Variants in RGS14 observed in about 807,000 individuals in gnomAD.
RGS14 encodes regulator of G-protein signaling 14.
A neutral mutation model predicts 63.8 loss-of-function variants in RGS14; 33 were observed. That is an observed-to-expected ratio of 0.52 (90% CI 0.39 to 0.69). The LOEUF is 0.69. Among genes scored for constraint, RGS14 ranks in the 30% least tolerant of loss-of-function variants. RGS14 has a pLI of 0.00. For synonymous variants in RGS14, 296 were observed against 320.9 expected (o/e 0.92, Z 0.83); for missense variants, 739 against 742.9 (o/e 0.99, Z 0.06).
intron 8 of RGS14, 35 bp downstream of exon 8, chr5:177,368,301 T>C: frequency 6.3e-7 from 1 of 1,580,182 alleles, no homozygotes; most frequent in Non-Finnish European, 8.6e-7. Flanking sequence ...AGATGCTCTA[T>C]GGGCTAGAGT....
intron 1 of RGS14, among the ~76,000 whole-genome samples, chr5:177,360,638 GC>G (rs1195062837): frequency 6.7e-6 from 1 of 150,016 alleles, no homozygotes; most frequent in Non-Finnish European, 1.5e-5. Flanking sequence ...GAGGAGGCAG[GC>G]ACAGTTGCTC....
At chr5:177,370,485 G>T (rs1762211791) in intron 9 of RGS14, 106 bp from the exon 10 acceptor site, 3 of 967,082 alleles carry the variant, frequency 3.1e-6, no homozygotes, top group Middle Eastern at 2.1e-4. Context: ...CTTCCTCTAG[G>T]AAGCCCAGTG....
chr5:177,366,192 CG>C lies in RGS14; in HGVS notation c.87del (p.Gln31ArgfsTer55). On this transcript the variant is annotated frameshift_variant, in exon 3 of 15. Coordinates refer to ENST00000408923, the MANE Select transcript of RGS14 (RefSeq NM_006480.5). LOFTEE classifies it high-confidence loss of function. ...CCCCCTGCAGAGCTGAGCAGCACGACGGGGCCCCAGGGCCAGGGCGAGGGCC... is the reference window on the plus strand; with the variant it reads ...CCCCCTGCAGAGCTGAGCAGCACGACGGGCCCCAGGGCCAGGGCGAGGGCC... ...AVSDGELSST[T>X]GPQGQGEGRG... 4 of 1,607,972 alleles carry C rather than the reference CG, an allele frequency of 2.5e-6. No individual in the cohort carries two copies. Among genetic ancestry groups the C allele is most frequent in the Non-Finnish European group, 3.4e-6 (4 of 1,177,888 alleles).
chr5:177,367,393 T>C (rs1417569488), intron 5 of RGS14, 21 bp from the exon 6 acceptor site: 3 of 1,580,948 alleles, frequency 1.9e-6, no homozygotes, highest in Admixed American at 1.8e-5. Flanking sequence ...CCGGCTCACC[T>C]GTTCCGGGGT....
In RGS14 at chr5:177,369,547, G is replaced by A. The variant is rs548729907; in HGVS notation, c.1053+627G>A. ...GCTGAAAGTAAGCCAAGCAGGGAGT[G>A]ATCAGGGAGGAGGAAGAGTGAAAAC... On this transcript the variant is annotated intron_variant, in intron 9 of 14. Transcript: ENST00000408923. Among the ~76,000 whole-genome samples, 29 of 152,324 alleles carry A rather than the reference G, an allele frequency of 1.9e-4. 1 individual carries two copies. In the South Asian group the frequency reaches 5.2e-3, roughly 27 times the overall value.
chr5:177,358,092 G>T lies in RGS14; in HGVS notation c.45+23G>T. 7.5e-7 allele frequency: 1 copy of T among 1,339,966 alleles called. No individual in the cohort carries two copies. The allele number at this position is 1,339,966 out of a possible 1,614,324, so 83.0% of individuals were successfully genotyped here. A position where few individuals can be genotyped will look rare whatever the true frequency, so the allele number is the denominator to read the frequency against. The stretch of plus-strand genomic sequence containing the variant: ...ATGGTGAGTGTGGGCTCCGGGCCAG[G>T]GCCACGAGGAGGGGGTGGGCACACC... On this transcript the variant is annotated intron_variant, in intron 1 of 14. Coordinates refer to ENST00000408923, the MANE Select transcript of RGS14 (RefSeq NM_006480.5). The surrounding 1 kb of genome is among the most constrained non-coding windows in gnomAD (Gnocchi z 4.8).
chr5:177,359,832 G>A lies in RGS14; in HGVS notation c.45+1763G>A, dbSNP rs185484775. On this transcript the variant is annotated intron_variant, in intron 1 of 14. Transcript: ENST00000408923. The surrounding 1 kb of genome is among the most constrained non-coding windows in gnomAD (Gnocchi z 4.4). ...GAGGTGCGGATGTGGATGGAGGGGC[G>A]CCTGGGGGACAGGTATGTCTGGTCC... Among the ~76,000 whole-genome samples, 4 of 152,360 alleles carry A rather than the reference G, an allele frequency of 2.6e-5. No homozygotes were observed. Among genetic ancestry groups the A allele is most frequent in the Middle Eastern group, 3.4e-3 (1 of 294 alleles).
chr5:177,367,168 G>A (rs1762119144), intron 5 of RGS14, 134 bp downstream of exon 5: 1 of 1,268,602 alleles, frequency 7.9e-7, no homozygotes, highest in Admixed American at 2.5e-5. Context: ...AAATGCCGGG[G>A]CAGGCAGGGC....
At chr5:177,370,342 G>A (rs4074995) in intron 9 of RGS14, among the ~76,000 whole-genome samples, 34,493 of 152,082 alleles carry the variant, frequency 0.23, 4,444 homozygotes, top group Middle Eastern at 0.31. Flanking sequence ...TACGTTTCTC[G>A]TAATTTCTGT....
intron 1 of RGS14, among the ~76,000 whole-genome samples, chr5:177,363,296 A>G (rs1762013436): frequency 6.7e-6 from 1 of 148,906 alleles, no homozygotes; most frequent in Non-Finnish European, 1.5e-5. Flanking sequence ...GGGGAGCACG[A>G]GAGCAGGGCC....
chr5:177,372,477 C>A lies in RGS14; in HGVS notation c.*402C>A. On this transcript the variant is annotated 3_prime_UTR_variant, in exon 15 of 15. Transcript: ENST00000408923. ...GTAAGGCCTTGAGGGTGCAGGCAGG[C>A]AGCCCTGTACCCCACCCACATAGAC... 4.9e-6 allele frequency: 1 copy of A among 205,044 alleles called. No homozygotes were observed. The highest frequency in any genetic ancestry group is 9.9e-6 in the Non-Finnish European group (1 of 101,472). 12.7% of individuals were successfully genotyped at this position (205,044 alleles called of 1,614,324 possible). A position where few individuals can be genotyped will look rare whatever the true frequency, so the allele number is the denominator to read the frequency against.
intron 1 of RGS14, among the ~76,000 whole-genome samples, chr5:177,362,501 G>A (rs1272821788): frequency 6.6e-6 from 1 of 152,228 alleles, no homozygotes; most frequent in Non-Finnish European, 1.5e-5. Flanking sequence ...CACGTGGTGG[G>A]AAGGGGCATT....
Position 177,371,069 on chromosome 5 carries a change from C to CGGGGCGGGGCGGGGCCGGGGCCG in RGS14, c.1254+41_1254+42insGCGGGGCGGGGCCGGGGCCGGGG, listed in dbSNP as rs566940283. On this transcript the variant is annotated intron_variant, in intron 11 of 14. Coordinates refer to ENST00000408923, the MANE Select transcript of RGS14 (RefSeq NM_006480.5). The surrounding 1 kb of genome is among the most constrained non-coding windows in gnomAD (Gnocchi z 6.1). ...GCCGCGGGGCGGGGCGGGGCGGGGCCGGGCCGGGGCCGGGGCCGGGGCCGG... is the reference window on the plus strand; with the variant it reads ...GCCGCGGGGCGGGGCGGGGCGGGGCCGGGGCGGGGCGGGGCCGGGGCCGGGGCCGGGGCCGGGGCCGGGGCCGG... The CGGGGCGGGGCGGGGCCGGGGCCG allele has an allele frequency of 7.4e-5, 41 of 552,532 alleles. 3 individuals are homozygous for CGGGGCGGGGCGGGGCCGGGGCCG. The African/African-American group carries it at 1.3e-3, about 18-fold the overall frequency. 34.2% of individuals were successfully genotyped at this position (552,532 alleles called of 1,614,324 possible).
rs1180411603 is a variant in RGS14 at position 177,366,184 on chromosome 5, CAGCACGACG to C, written c.76_84del (p.Ser26_Thr28del). On this transcript the variant is annotated inframe_deletion, in exon 3 of 15. Coordinates refer to ENST00000408923, the MANE Select transcript of RGS14 (RefSeq NM_006480.5). The stretch of plus-strand genomic sequence containing the variant: ...TTGTCCATCCCCCTGCAGAGCTGAG[CAGCACGACG>C]GGGCCCCAGGGCCAGGGCGAGGGCC... 2 of 1,606,354 alleles carry C rather than the reference CAGCACGACG, an allele frequency of 1.2e-6. No homozygotes were observed. Among genetic ancestry groups the C allele is most frequent in the African/African-American group, 2.7e-5 (2 of 74,850 alleles).
Position 177,372,259 on chromosome 5 carries a change from C to A in RGS14, c.*184C>A. On this transcript the variant is annotated 3_prime_UTR_variant, in exon 15 of 15. Transcript: ENST00000408923. The stretch of plus-strand genomic sequence containing the variant: ...GATGAGACACACCCCACAGCTGCCA[C>A]CGCCTTGTCCCTCAACAAGCTCACC... The A allele has an allele frequency of 1.6e-6, 1 of 609,740 alleles. No individual in the cohort carries two copies. The highest frequency in any genetic ancestry group is 2.0e-5 in the South Asian group (1 of 50,902). 37.8% of individuals were successfully genotyped at this position (609,740 alleles called of 1,614,324 possible). A position where few individuals can be genotyped will look rare whatever the true frequency, so the allele number is the denominator to read the frequency against.
In RGS14 at chr5:177,371,062, GCGGGGCCGGGCCGGGGC is replaced by G. The variant is rs1236102989; in HGVS notation, c.1254+42_1254+58del. ...CTTCCGGGCCGCGGGGCGGGGCGGGGCGGGGCCGGGCCGGGGCCGGGGCCGGGGCCGGGGCCGGGGCC... is the reference window on the plus strand; with the variant it reads ...CTTCCGGGCCGCGGGGCGGGGCGGGGCGGGGCCGGGGCCGGGGCCGGGGCC... On this transcript the variant is annotated intron_variant, in intron 11 of 14. Transcript: ENST00000408923. The surrounding 1 kb of genome is among the most constrained non-coding windows in gnomAD (Gnocchi z 6.1). 1,466 of 1,104,812 alleles carry G rather than the reference GCGGGGCCGGGCCGGGGC, an allele frequency of 1.3e-3. 83 individuals are homozygous for G. In the African/African-American group the frequency reaches 0.028, roughly 21 times the overall value. The allele number at this position is 1,104,812 out of a possible 1,614,324, so 68.4% of individuals were successfully genotyped here. A position where few individuals can be genotyped will look rare whatever the true frequency, so the allele number is the denominator to read the frequency against.
At chr5:177,361,391 A>G (rs1042799038) in intron 1 of RGS14, among the ~76,000 whole-genome samples, 5 of 152,114 alleles carry the variant, frequency 3.3e-5, no homozygotes, top group African/African-American at 1.2e-4. Context: ...TCTAGAGGGC[A>G]CAGTTCAAGA....
In RGS14 at chr5:177,358,688, C is replaced by T. The variant is rs547690454; in HGVS notation, c.45+619C>T. Among the ~76,000 whole-genome samples the T allele has an allele frequency of 6.6e-6, 1 of 152,368 alleles. No homozygotes were observed. The highest frequency in any genetic ancestry group is 1.9e-4 in the East Asian group (1 of 5,186). Reference sequence around the variant, plus strand: ...TGGCTGCAGCTGCCCCACCCCTTAACCCTCTCCCTGGCTGCTTAGCCCCAG... The same window carrying T: ...TGGCTGCAGCTGCCCCACCCCTTAATCCTCTCCCTGGCTGCTTAGCCCCAG... On this transcript the variant is annotated intron_variant, in intron 1 of 14. Coordinates refer to ENST00000408923, the MANE Select transcript of RGS14 (RefSeq NM_006480.5). This position sits in a 1 kb window ranked among gnomAD's most constrained non-coding sequence, Gnocchi z 4.8.
Position 177,367,264 on chromosome 5 carries a change from G to A in RGS14, c.484-150G>A, listed in dbSNP as rs115525421. 2.6e-3 allele frequency: 3,154 copies of A among 1,200,670 alleles called. 64 individuals carry two copies. In the African/African-American group the frequency reaches 0.043, roughly 16 times the overall value. The allele number at this position is 1,200,670 out of a possible 1,614,324, so 74.4% of individuals were successfully genotyped here. The stretch of plus-strand genomic sequence containing the variant: ...AGCTCGGGGCGGGCTTGGACCCCGG[G>A]GGTGGGTATAGGAACTGAGGTCGGG... On this transcript the variant is annotated intron_variant, in intron 5 of 14. Coordinates refer to ENST00000408923, the MANE Select transcript of RGS14 (RefSeq NM_006480.5).
Sources: gnomAD v4.1 joint callset for allele counts (sites outside exome capture counted in the v4.1 genomes callset) on GRCh38, gnomAD v4.1.1 for gene constraint, Gnocchi (gnomAD v3.1) non-coding constraint, MANE v1.5 for transcripts, NCBI Gene and HGNC (gene_info 2026-07-23, HGNC 2026-07-21) for gene names.